The following ADGRL4 variants were observed in gnomAD, a reference collection of about 807,000 sequenced individuals.
The protein encoded by ADGRL4 is EGF, latrophilin and seven transmembrane domain containing 1.
ADGRL4 carries 90 observed loss-of-function variants against 74.8 expected under a neutral mutation model. That is an observed-to-expected ratio of 1.20 (90% confidence interval 1.02 to 1.43). The LOEUF (loss-of-function observed/expected upper bound fraction) is 1.43. Among genes scored for constraint, ADGRL4 ranks in the 40% most tolerant of loss-of-function variants. The pLI, the probability that ADGRL4 is intolerant of heterozygous loss-of-function variation, is 0.00. For synonymous variants in ADGRL4, 311 were observed against 279.2 expected (o/e 1.11, Z -1.14); for missense variants, 881 against 814.3 (o/e 1.08, Z -1.00).
intron 2 of ADGRL4, among the ~76,000 whole-genome samples, chr1:78,953,805 G>A (rs1223272637): frequency 6.6e-6 from 1 of 152,136 alleles, no homozygotes; most frequent in African/African-American, 2.4e-5. Flanking sequence ...CATAACACAA[G>A]TGCTAATTAT....
chr1:78,953,646 ATAT>A (rs1649773697), intron 2 of ADGRL4, among the ~76,000 whole-genome samples: 1 of 152,208 alleles, frequency 6.6e-6, no homozygotes, highest in Non-Finnish European at 1.5e-5. Flanking sequence ...TGTGAAGAAA[ATAT>A]TCAAGACAGC....
chr1:78,960,376 G>C (rs1382482104), intron 2 of ADGRL4, among the ~76,000 whole-genome samples: 1 of 151,932 alleles, frequency 6.6e-6, no homozygotes, highest in Non-Finnish European at 1.5e-5. Flanking sequence ...TTAGATTTCT[G>C]ATAACCATAG....
chr1:78,984,950 T>C (rs1321447967), intron 2 of ADGRL4, among the ~76,000 whole-genome samples: 2 of 151,680 alleles, frequency 1.3e-5, no homozygotes, highest in Non-Finnish European at 3.0e-5. Flanking sequence ...GTATGGCAAA[T>C]GGTCAACTAG....
At chr1:78,951,417 A>T (rs998656648) in intron 2 of ADGRL4, among the ~76,000 whole-genome samples, 1 of 152,134 alleles carries the variant, frequency 6.6e-6, no homozygotes, top group African/African-American at 2.4e-5. Flanking sequence ...GTTCAGCCCA[A>T]CTTGCCAGTA....
At chr1:78,967,918 C>T (rs989376903) in intron 2 of ADGRL4, among the ~76,000 whole-genome samples, 36 of 148,364 alleles carry the variant, frequency 2.4e-4, no homozygotes, top group African/African-American at 9.2e-4. Flanking sequence ...ACAGCCTTCC[C>T]AAAATCAAAC....
At chr1:78,998,279 T>C (rs1650761011) in intron 2 of ADGRL4, among the ~76,000 whole-genome samples, 1 of 151,606 alleles carries the variant, frequency 6.6e-6, no homozygotes, top group Non-Finnish European at 1.5e-5. Context: ...AATTCACTTA[T>C]CTTGATGGAG....
At chr1:78,939,388 C>T (rs1649428483) in intron 3 of ADGRL4, 130 bp from the exon 4 acceptor site, 4 of 1,014,796 alleles carry the variant, frequency 3.9e-6, no homozygotes, top group Non-Finnish European at 3.8e-6. Context: ...CTTGAATTTC[C>T]TCTTCAGTTT....
intron 2 of ADGRL4, among the ~76,000 whole-genome samples, chr1:78,967,841 T>C (rs537843905): frequency 1.2e-4 from 18 of 150,206 alleles, no homozygotes; most frequent in Non-Finnish European, 2.4e-4. Context: ...AAAAAAAAAA[T>C]AATAACTTAT....
At chr1:78,915,922 A>G (rs1246397079) in intron 12 of ADGRL4, among the ~76,000 whole-genome samples, 2 of 151,876 alleles carry the variant, frequency 1.3e-5, no homozygotes, top group Admixed American at 6.6e-5. Flanking sequence ...AAAAGATGAG[A>G]AATATTTAAT....
intron 12 of ADGRL4, among the ~76,000 whole-genome samples, chr1:78,894,281 G>C (rs1321722583): frequency 6.6e-6 from 1 of 151,920 alleles, no homozygotes; most frequent in East Asian, 1.9e-4. Context: ...TAATGGGCCT[G>C]AGAATTTCAT....
intron 2 of ADGRL4, among the ~76,000 whole-genome samples, chr1:78,980,058 G>A (rs560142299): frequency 1.3e-5 from 2 of 151,934 alleles, no homozygotes; most frequent in East Asian, 3.9e-4. Context: ...AACAAAAGAA[G>A]AACACTAATG....
intron 2 of ADGRL4, among the ~76,000 whole-genome samples, chr1:78,965,991 C>CAA (rs201414584): frequency 3.7e-5 from 4 of 107,954 alleles, no homozygotes; most frequent in African/African-American, 6.6e-5. Context: ...AGGACAGAAC[C>CAA]AAAAAAAAAA....
chr1:78,999,551 C>T (rs896856750), intron 2 of ADGRL4, among the ~76,000 whole-genome samples: 2 of 151,828 alleles, frequency 1.3e-5, no homozygotes, highest in South Asian at 2.1e-4. Flanking sequence ...CTAGCTTGGG[C>T]GACAGAGCGA....
At chr1:78,928,426 A>G (rs1202009994) in intron 7 of ADGRL4, among the ~76,000 whole-genome samples, 4 of 151,404 alleles carry the variant, frequency 2.6e-5, no homozygotes. Flanking sequence ...ACAAACCTGT[A>G]CTTTTATTAA....
In ADGRL4 at chr1:78,996,358, T is replaced by G. The variant is rs1317061387; in HGVS notation, c.172+8712A>C. Among the ~76,000 whole-genome samples the G allele has an allele frequency of 2.0e-5, 3 of 152,250 alleles. No homozygotes were observed. The East Asian group carries it at 5.8e-4, about 29-fold the overall frequency. Reference sequence around the variant, plus strand: ...TAAGTCAGCTAATATATTCCATTACTACTTAAGGACATAAAGATTATAAAA... The same window carrying G: ...TAAGTCAGCTAATATATTCCATTACGACTTAAGGACATAAAGATTATAAAA... On this transcript the variant is annotated intron_variant, in intron 2 of 14. Coordinates refer to ENST00000370742, the MANE Select transcript of ADGRL4 (RefSeq NM_022159.4).
At chr1:78,903,032 G>A (rs1054712175) in intron 12 of ADGRL4, among the ~76,000 whole-genome samples, 5 of 152,120 alleles carry the variant, frequency 3.3e-5, no homozygotes, top group South Asian at 4.2e-4. Context: ...GAACACATTC[G>A]AATTCCAGCT....
intron 7 of ADGRL4, among the ~76,000 whole-genome samples, chr1:78,934,280 C>T (rs1391652926): frequency 6.6e-6 from 1 of 152,006 alleles, no homozygotes; most frequent in Non-Finnish European, 1.5e-5. Context: ...TTCAACAAAC[C>T]TGACAAAAAC....
At chr1:78,902,068 A>T (rs559911639) in intron 12 of ADGRL4, among the ~76,000 whole-genome samples, 2 of 152,310 alleles carry the variant, frequency 1.3e-5, no homozygotes, top group South Asian at 4.1e-4. Context: ...TTGCTCTGGG[A>T]TAGTAACAGT....
At chr1:78,913,382 C>A (rs1648802489) in intron 12 of ADGRL4, among the ~76,000 whole-genome samples, 2 of 151,884 alleles carry the variant, frequency 1.3e-5, no homozygotes, top group Non-Finnish European at 2.9e-5. Context: ...AAACTAAATG[C>A]CCATCAGTGG....
Sources: allele counts gnomAD v4.1 joint callset (sites outside exome capture counted in the v4.1 genomes callset), GRCh38; gene constraint gnomAD v4.1.1; transcripts MANE v1.5; gene names NCBI Gene and HGNC (gene_info 2026-07-23, HGNC 2026-07-21).